The following DMD variants were observed in gnomAD, a reference collection of about 807,000 sequenced individuals.
The protein encoded by DMD is dystrophin.
Under a neutral mutation model 330.1 loss-of-function variants are expected in DMD, and 63 were observed. That is an observed-to-expected ratio of 0.19 (90% CI 0.16 to 0.24). DMD has a LOEUF of 0.24. DMD is among the 10% of genes least tolerant of loss of function. The pLI, the probability that DMD is intolerant of heterozygous loss-of-function variation, is 1.00. For missense variants in DMD, 3,344 were observed against 2,684.1 expected, an observed-to-expected ratio of 1.25 and a Z score of -5.43; for synonymous variants, 1,223 against 959.8, an observed-to-expected ratio of 1.27 and a Z score of -5.07.
intron 56 of DMD, among the ~76,000 whole-genome samples, chrX:31,502,165 C>G (rs988836319): frequency 9.0e-6 from 1 of 111,566 alleles, no homozygotes; most frequent in Non-Finnish European, 1.9e-5. Context: ...CATGAAACTA[C>G]TACAAGAGAA....
At chrX:31,439,087 T>C (rs780059597) in intron 60 of DMD, among the ~76,000 whole-genome samples, 1 of 111,730 alleles carries the variant, frequency 9.0e-6, no homozygotes, top group South Asian at 3.8e-4. Flanking sequence ...AGTAAGAAAT[T>C]ATTGAATAAT....
intron 47 of DMD, among the ~76,000 whole-genome samples, chrX:31,915,540 A>G (rs1028171581): frequency 3.6e-5 from 4 of 111,804 alleles, no homozygotes; most frequent in Admixed American, 9.5e-5. Context: ...TCCCCCTCCA[A>G]ATGTAAGATC....
intron 56 of DMD, among the ~76,000 whole-genome samples, chrX:31,497,158 A>T (rs2069950795): frequency 8.9e-6 from 1 of 112,506 alleles, no homozygotes; most frequent in Admixed American, 9.4e-5. Flanking sequence ...TTATTTCCAC[A>T]TGCAGAATGC....
intron 1 of DMD, among the ~76,000 whole-genome samples, chrX:33,310,818 A>G (rs2053836910): frequency 9.0e-6 from 1 of 111,141 alleles, no homozygotes; most frequent in Non-Finnish European, 1.9e-5. Flanking sequence ...TAAAGATCTC[A>G]AGATGTCCCT....
chrX:31,661,684 T>C (rs2081131812), intron 53 of DMD, among the ~76,000 whole-genome samples: 1 of 111,643 alleles, frequency 9.0e-6, no homozygotes, highest in Non-Finnish European at 1.9e-5. Flanking sequence ...CTGTGAGCAC[T>C]AGCTTATAAA....
intron 2 of DMD, among the ~76,000 whole-genome samples, chrX:32,915,082 T>C (rs779432467): frequency 9.0e-6 from 1 of 111,651 alleles, no homozygotes; most frequent in Non-Finnish European, 1.9e-5. Context: ...AACATATGTA[T>C]CTGATAAAAC....
intron 67 of DMD, among the ~76,000 whole-genome samples, chrX:31,199,359 G>C (rs1287692228): frequency 8.9e-6 from 1 of 112,378 alleles, no homozygotes; most frequent in African/African-American, 3.2e-5. Context: ...TATTAATGTG[G>C]AAACATATCC....
At chrX:31,257,198 C>T (rs1022254491) in intron 63 of DMD, among the ~76,000 whole-genome samples, 3 of 107,307 alleles carry the variant, frequency 2.8e-5, no homozygotes, top group East Asian at 6.0e-4. Context: ...TAGAAGTGGG[C>T]GTCTCTAGGA....
intron 30 of DMD, among the ~76,000 whole-genome samples, 163 bp downstream of exon 30, chrX:32,411,589 T>C (rs758093790): frequency 3.6e-5 from 4 of 111,702 alleles, no homozygotes; most frequent in Non-Finnish European, 5.6e-5. Flanking sequence ...AGACTAATGA[T>C]CTAGACCCCC....
chrX:33,218,550 T>C (rs1398495897), intron 1 of DMD, among the ~76,000 whole-genome samples: 1 of 111,180 alleles, frequency 9.0e-6, no homozygotes, highest in Non-Finnish European at 1.9e-5. Context: ...AAAAAAAAAA[T>C]ATAACTAGTT....
intron 43 of DMD, among the ~76,000 whole-genome samples, chrX:32,228,061 C>A (rs944906512): frequency 9.0e-6 from 1 of 111,257 alleles, no homozygotes; most frequent in Non-Finnish European, 1.9e-5. Flanking sequence ...CTAAGGGGAC[C>A]TTAATTAAGC....
At chrX:31,323,489 C>T in intron 62 of DMD, 109 bp downstream of exon 62, 2 of 655,618 alleles carry the variant, frequency 3.1e-6, no homozygotes, top group Admixed American at 2.8e-5. Context: ...AAAAAAGACA[C>T]AGGTATTGTA....
intron 47 of DMD, among the ~76,000 whole-genome samples, chrX:31,877,279 G>A (rs1023550193): frequency 7.3e-4 from 82 of 111,987 alleles, no homozygotes; most frequent in African/African-American, 2.6e-3. Flanking sequence ...AGGTCAGTCT[G>A]GGACTGACCC....
intron 30 of DMD, among the ~76,000 whole-genome samples, chrX:32,391,113 G>A (rs1183593233): frequency 9.0e-6 from 1 of 111,387 alleles, no homozygotes; most frequent in Non-Finnish European, 1.9e-5. Context: ...ATGTGGACAC[G>A]AACACAATAC....
intron 7 of DMD, among the ~76,000 whole-genome samples, chrX:32,757,818 GTTTA>G (rs1367772206): frequency 9.0e-6 from 1 of 111,228 alleles, no homozygotes; most frequent in African/African-American, 3.3e-5. Context: ...TCCTTTATAG[GTTTA>G]TTTTGAACAG....
chrX:31,664,722 T>G (rs1295610581), intron 53 of DMD, among the ~76,000 whole-genome samples: 1 of 104,498 alleles, frequency 9.6e-6, no homozygotes, highest in Admixed American at 1.0e-4. Flanking sequence ...TGACACTACC[T>G]TAATTTACGT....
intron 55 of DMD, among the ~76,000 whole-genome samples, chrX:31,516,293 A>G (rs1347565005): frequency 9.1e-6 from 1 of 109,537 alleles, no homozygotes; most frequent in Non-Finnish European, 1.9e-5. Context: ...AAAAAAAAAA[A>G]AAAACCCGAA....
At position 31,521,161 on chromosome X, in the gene DMD, CT is replaced by C. The variant is rs751038046; in HGVS notation, c.8218-13709del. ...TACAAGAATTTTTACATGAGAATGA[CT>C]TTTTTTTTTTTTTGAGACAGAGTTT... On this transcript the variant is annotated intron_variant, in intron 55 of 78. Coordinates refer to ENST00000357033, the MANE Select transcript of DMD (RefSeq NM_004006.3). Among the ~76,000 whole-genome samples, 461 of 100,086 alleles carry C rather than the reference CT, an allele frequency of 4.6e-3. 1 individual carries two copies. Among genetic ancestry groups the C allele is most frequent in the African/African-American group, 8.6e-3 (241 of 27,867 alleles). The allele number at this position is 100,086 out of a possible 115,157, so 86.9% of individuals were successfully genotyped here. A position where few individuals can be genotyped will look rare whatever the true frequency, so the allele number is the denominator to read the frequency against.
At chrX:31,749,104 ATTTG>A (rs888629673) in intron 51 of DMD, among the ~76,000 whole-genome samples, 14 of 108,541 alleles carry the variant, frequency 1.3e-4, no homozygotes, top group Non-Finnish European at 2.1e-4. Flanking sequence ...TCAGGATAGC[ATTTG>A]TTTGTTTCTT....
Sources: allele counts gnomAD v4.1 joint callset (sites outside exome capture counted in the v4.1 genomes callset), GRCh38; gene constraint gnomAD v4.1.1; transcripts MANE v1.5; gene names NCBI Gene and HGNC (gene_info 2026-07-23, HGNC 2026-07-21).